The following GOLGA4 variants were observed in gnomAD, a reference collection of about 807,000 sequenced individuals.
The protein encoded by GOLGA4 is golgin A4.
In GOLGA4, 169 loss-of-function variants were observed where a neutral mutation model predicts 265.9. The observed-to-expected ratio is 0.64, with a 90% CI of 0.56 to 0.72. The LOEUF (loss-of-function observed/expected upper bound fraction) is 0.72. Ranked by LOEUF, GOLGA4 falls within the 30% of genes least tolerant of loss-of-function variation. The pLI, the probability that GOLGA4 is intolerant of heterozygous loss-of-function variation, is 0.00. For missense variants in GOLGA4, 2,482 were observed against 2,483.4 expected, an observed-to-expected ratio of 1.00 and a Z score of 0.01; for synonymous variants, 923 against 855.8, an observed-to-expected ratio of 1.08 and a Z score of -1.37.
chr3:37,257,520 A>G (rs887011539), intron 2 of GOLGA4, among the ~76,000 whole-genome samples: 1 of 152,058 alleles, frequency 6.6e-6, no homozygotes, highest in African/African-American at 2.4e-5. Flanking sequence ...GTACATCTCT[A>G]GTGTGGTACC....
intron 11 of GOLGA4, among the ~76,000 whole-genome samples, chr3:37,317,526 A>G (rs2096941228): frequency 2.0e-5 from 3 of 152,182 alleles, no homozygotes; most frequent in Non-Finnish European, 1.5e-5. Context: ...GTAGATGCCT[A>G]GAAGTGGAAT....
At chr3:37,340,713 C>T (rs1284037507) in intron 20 of GOLGA4, among the ~76,000 whole-genome samples, 1 of 152,196 alleles carries the variant, frequency 6.6e-6, no homozygotes, top group Non-Finnish European at 1.5e-5. Context: ...TGCCTTTCTT[C>T]ACCTAGCTTA....
chr3:37,365,874 T>G (rs1466783230), intron 23 of GOLGA4, among the ~76,000 whole-genome samples: 1 of 151,702 alleles, frequency 6.6e-6, no homozygotes, highest in Non-Finnish European at 1.5e-5. Flanking sequence ...CTCAAGTGAT[T>G]CTCCCATCTT....
intron 12 of GOLGA4, 146 bp downstream of exon 12, chr3:37,319,340 G>C: frequency 1.9e-6 from 1 of 535,986 alleles, no homozygotes; most frequent in African/African-American, 1.9e-5. Context: ...GAGTAGGCAA[G>C]CTGTCAGAGC....
intron 7 of GOLGA4, 131 bp from the exon 8 acceptor site, chr3:37,298,702 T>C (rs1470845182): frequency 1.6e-6 from 1 of 633,134 alleles, no homozygotes; most frequent in Non-Finnish European, 2.8e-6. Context: ...GAACGAACAA[T>C]GACAGCTTAA....
Position 37,324,682 on chromosome 3 carries a change from A to G in GOLGA4, c.2796A>G (p.Ser932=), listed in dbSNP as rs1443887246. ...KEIEILTQKL[S]AKEDSIHILN... ...TTGAGATACTCACACAGAAATTGTC[A>G]GCCAAGGAGGACAGTATTCATATTT... Residue 932 remains serine, a synonymous_variant, in exon 14 of 24, where the codon TCA becomes TCG. Transcript: ENST00000361924. 1.2e-6 allele frequency: 2 copies of G among 1,612,620 alleles called. No homozygotes were observed. The highest frequency in any genetic ancestry group is 1.7e-6 in the Non-Finnish European group (2 of 1,179,506).
chr3:37,309,763 C>A (rs1471604407), intron 10 of GOLGA4, among the ~76,000 whole-genome samples: 1 of 152,050 alleles, frequency 6.6e-6, no homozygotes, highest in African/African-American at 2.4e-5. Flanking sequence ...GCATTTAATC[C>A]GTTGTGATGT....
At chr3:37,247,996 T>G (rs139755664) in intron 1 of GOLGA4, among the ~76,000 whole-genome samples, 35 of 152,350 alleles carry the variant, frequency 2.3e-4, no homozygotes, top group African/African-American at 8.2e-4. Context: ...GTCAACTGAT[T>G]AGTAACCTAG....
intron 16 of GOLGA4, among the ~76,000 whole-genome samples, chr3:37,331,976 G>A (rs1348559313): frequency 6.6e-6 from 1 of 152,090 alleles, no homozygotes; most frequent in African/African-American, 2.4e-5. Context: ...CTCCACTGCT[G>A]CCACCACAGT....
chr3:37,299,324 C>G lies in GOLGA4; in HGVS notation c.1039C>G (p.Gln347Glu). Residue 347 changes from glutamine to glutamate, a missense_variant, in exon 9 of 24, where the codon CAG becomes GAG. Transcript: ENST00000361924. ...GGCCGAGAAGACTAAACTTATCACT[C>G]AGTTGCGTGATGCAAAGAACTTAAT... ...HMAEKTKLIT[Q>E]LRDAKNLIEQ... The G allele has an allele frequency of 6.2e-7, 1 of 1,613,230 alleles. No homozygotes were observed. The highest frequency in any genetic ancestry group is 1.1e-5 in the South Asian group (1 of 91,040).
chr3:37,249,083 G>T (rs1340086917), intron 1 of GOLGA4, among the ~76,000 whole-genome samples: 1 of 152,152 alleles, frequency 6.6e-6, no homozygotes, highest in Non-Finnish European at 1.5e-5. Flanking sequence ...ACAAAAGGCT[G>T]CCCCCATAGT....
At chr3:37,307,975 C>T (rs894179781) in intron 10 of GOLGA4, among the ~76,000 whole-genome samples, 25 of 152,010 alleles carry the variant, frequency 1.6e-4, no homozygotes, top group African/African-American at 7.2e-5. Context: ...GGCTCACGCC[C>T]GAAATCCCAG....
In GOLGA4 at chr3:37,315,454, C is replaced by A; in HGVS notation, c.1269C>A (p.Ala423=). 1.9e-6 allele frequency: 3 copies of A among 1,613,676 alleles called. No homozygotes were observed. The highest frequency in any genetic ancestry group is 2.5e-6 in the Non-Finnish European group (3 of 1,179,864). The part of the protein sequence containing the change: ...FEELEKALST[A]QKTEEARRKL... ...AACTTGAAAAAGCTTTGAGTACAGC[C>A]CAAAAAACAGAGGAAGCACGGAGAA... The change falls in exon 11 of 24, where the codon GCC becomes GCA. Residue 423 remains alanine (A), a synonymous_variant. Coordinates refer to ENST00000361924, the MANE Select transcript of GOLGA4 (RefSeq NM_002078.5).
At chr3:37,354,901 T>C (rs1275253179) in intron 21 of GOLGA4, among the ~76,000 whole-genome samples, 200 bp from the exon 22 acceptor site, 2 of 152,156 alleles carry the variant, frequency 1.3e-5, no homozygotes, top group African/African-American at 4.8e-5. Context: ...TAAAATAATA[T>C]GTGTAGACAT....
chr3:37,331,413 A>AT (rs1405218240), intron 16 of GOLGA4, among the ~76,000 whole-genome samples: 1 of 152,158 alleles, frequency 6.6e-6, no homozygotes, highest in Non-Finnish European at 1.5e-5. Flanking sequence ...ACATCCCCAG[A>AT]TATACTTTAT....
Position 37,324,336 on chromosome 3 carries a change from A to G in GOLGA4, c.2450A>G (p.Tyr817Cys). ...QSATHEQTKA[Y>C]EEQLAQLQQK... Reference sequence around the variant, plus strand: ...GCCACACATGAGCAGACAAAAGCATATGAGGAACAGTTGGCCCAATTGCAG... The same window carrying G: ...GCCACACATGAGCAGACAAAAGCATGTGAGGAACAGTTGGCCCAATTGCAG... Residue 817 changes from tyrosine to cysteine, a missense_variant, in exon 14 of 24, where the codon TAT (tyrosine) becomes TGT (cysteine). Transcript: ENST00000361924. The G allele has an allele frequency of 6.2e-7, 1 of 1,614,188 alleles. No individual in the cohort carries two copies. Among genetic ancestry groups the G allele is most frequent in the Non-Finnish European group, 8.5e-7 (1 of 1,180,012 alleles).
At chr3:37,294,664 G>A (rs2096873570) in intron 5 of GOLGA4, among the ~76,000 whole-genome samples, 1 of 152,114 alleles carries the variant, frequency 6.6e-6, no homozygotes, top group African/African-American at 2.4e-5. Context: ...GGGATTACAG[G>A]TGTGAGCCAC....
At chr3:37,279,352 A>G (rs2096828347) in intron 2 of GOLGA4, among the ~76,000 whole-genome samples, 1 of 152,190 alleles carries the variant, frequency 6.6e-6, no homozygotes, top group Non-Finnish European at 1.5e-5. Flanking sequence ...GGTGTACAAC[A>G]TAGTTTATTC....
In GOLGA4 at chr3:37,326,909, A is replaced by G; in HGVS notation, c.5023A>G (p.Ser1675Gly). ...QYKKGTESHL[S>G]ELNTKLQERE... ...TAAAAAAGGTACAGAAAGCCATTTG[A>G]GTGAGCTAAATACAAAATTGCAGGA... Residue 1675 changes from serine (S) to glycine (G), a missense_variant, in exon 14 of 24, where the codon AGT (serine) becomes GGT (glycine). Coordinates refer to ENST00000361924, the MANE Select transcript of GOLGA4 (RefSeq NM_002078.5). 1 of 1,613,868 alleles carries G rather than the reference A, an allele frequency of 6.2e-7. No individual in the cohort carries two copies.
Sources: gnomAD v4.1 joint callset for allele counts (sites outside exome capture counted in the v4.1 genomes callset) on GRCh38, gnomAD v4.1.1 for gene constraint, MANE v1.5 for transcripts, NCBI Gene and HGNC (gene_info 2026-07-23, HGNC 2026-07-21) for gene names.